UTP20: variants seen among roughly 807,000 people sequenced by gnomAD.
The protein encoded by UTP20 is UTP20 small subunit processome component, also known as small subunit processome component 20 homolog.
A neutral mutation model predicts 329.5 loss-of-function variants in UTP20; 164 were observed. The ratio of observed to expected loss-of-function variants is 0.50; its 90% confidence interval spans 0.44 to 0.57. The LOEUF (loss-of-function observed/expected upper bound fraction) is 0.57, where lower values mean the gene tolerates loss of function less well. UTP20 is among the 20% of genes least tolerant of loss of function. The pLI is 0.00. For missense variants in UTP20, 3,055 were observed against 3,284.2 expected, an observed-to-expected ratio of 0.93 and a Z score of 1.71; for synonymous variants, 1,151 against 1,159.3, an observed-to-expected ratio of 0.99 and a Z score of 0.14.
chr12:101,322,923 A>G (rs1010811193), intron 25 of UTP20, among the ~76,000 whole-genome samples: 1 of 152,218 alleles, frequency 6.6e-6, no homozygotes, highest in Non-Finnish European at 1.5e-5. Context: ...ATAACTATCA[A>G]CTTTATAATC....
At chr12:101,368,116 G>A in intron 48 of UTP20, 140 bp downstream of exon 48, 1 of 610,274 alleles carries the variant, frequency 1.6e-6, no homozygotes, top group South Asian at 2.1e-5. Context: ...GGGTTTTTTG[G>A]GGTTTTTGGG....
Position 101,338,090 on chromosome 12 carries a change from A to G in UTP20, c.3681A>G (p.Pro1227=). 2 of 1,614,208 alleles carry G rather than the reference A, an allele frequency of 1.2e-6. No homozygotes were observed. The highest frequency in any genetic ancestry group is 8.5e-7 in the Non-Finnish European group (1 of 1,180,016). The part of the protein sequence containing the change: ...PLLAKQKPGH[P]ECDILTNVFA... ...TGGCTAAACAGAAGCCTGGGCACCC[A>G]GAATGTGATATCCTGACCAATGTTT... Residue 1227 remains proline, a synonymous_variant, in exon 30 of 62, where the codon CCA becomes CCG. Coordinates refer to ENST00000261637, the MANE Select transcript of UTP20 (RefSeq NM_014503.3).
Position 101,289,017 on chromosome 12 carries a change from A to G in UTP20, c.573A>G (p.Glu191=). The G allele has an allele frequency of 1.9e-6, 3 of 1,613,758 alleles. No homozygotes were observed. The Middle Eastern group carries it at 5.0e-4, about 266-fold the overall frequency. Residue 191 remains glutamate, a synonymous_variant, in exon 6 of 62, where the codon GAA becomes GAG. Coordinates refer to ENST00000261637, the MANE Select transcript of UTP20 (RefSeq NM_014503.3). ...TACATATAAGAAATTTTGCTGCTGA[A>G]AGTTTTACTTTTTTGATGAGAAAGG... is the stretch of plus-strand genomic sequence containing the variant. ...KKLHIRNFAA[E]SFTFLMRKVS... is the part of the protein sequence containing the mutation.
At chr12:101,385,891 A>G (rs1236158401) in intron 61 of UTP20, 77 bp from the exon 62 acceptor site, 7 of 1,456,032 alleles carry the variant, frequency 4.8e-6, no homozygotes, top group South Asian at 4.0e-5. Flanking sequence ...TGTTTTTTAC[A>G]TTTATTTCTG....
intron 26 of UTP20, among the ~76,000 whole-genome samples, chr12:101,328,299 G>A (rs1434157781): frequency 6.6e-6 from 1 of 152,026 alleles, no homozygotes; most frequent in African/African-American, 2.4e-5. Flanking sequence ...GGCCCGTTTG[G>A]GTGTATGAAT....
intron 55 of UTP20, among the ~76,000 whole-genome samples, chr12:101,375,236 G>T (rs566856374): frequency 1.3e-5 from 2 of 151,768 alleles, no homozygotes; most frequent in South Asian, 4.2e-4. Context: ...ACTCCAGCCT[G>T]GCTAACAGAG....
chr12:101,367,754 A>G (rs1870143359), intron 47 of UTP20, 106 bp from the exon 48 acceptor site: 1 of 709,460 alleles, frequency 1.4e-6, no homozygotes, highest in Non-Finnish European at 2.5e-6. Context: ...TTTCTAATAG[A>G]AGTATCTTAA....
chr12:101,336,876 G>A (rs866731975), intron 29 of UTP20, among the ~76,000 whole-genome samples: 1 of 152,224 alleles, frequency 6.6e-6, no homozygotes, highest in Non-Finnish European at 1.5e-5. Context: ...AGCAAGTTAC[G>A]TTGGTCAAGG....
In UTP20 at chr12:101,365,581, T is replaced by C; in HGVS notation, c.6081T>C (p.Tyr2027=). ...CTGAATCCATTCTATTACTCAGTTATGGTTTGATCAGTGAAAATCTTCCCC... is the reference window on the plus strand; with the variant it reads ...CTGAATCCATTCTATTACTCAGTTACGGTTTGATCAGTGAAAATCTTCCCC... ...MTAESILLLS[Y]GLISENLPLL... Residue 2027 remains tyrosine (Y), a synonymous_variant, in exon 46 of 62, where the codon TAT becomes TAC. Coordinates refer to ENST00000261637, the MANE Select transcript of UTP20 (RefSeq NM_014503.3). The C allele has an allele frequency of 6.3e-7, 1 of 1,594,986 alleles. No homozygotes were observed. Among genetic ancestry groups the C allele is most frequent in the Non-Finnish European group, 8.5e-7 (1 of 1,174,592 alleles).
chr12:101,306,783 A>G (rs747176712), intron 17 of UTP20, 22 bp downstream of exon 17: 2 of 1,578,948 alleles, frequency 1.3e-6, no homozygotes, highest in South Asian at 2.4e-5. Flanking sequence ...GTTTGAGTGG[A>G]TAGGTTTTAA....
Position 101,304,023 on chromosome 12 carries a change from A to G in UTP20, c.1781+1470A>G, listed in dbSNP as rs959422371. 6.6e-5 allele frequency among the ~76,000 whole-genome samples: 10 copies of G among 152,360 alleles called. No homozygotes were observed. In the East Asian group the frequency reaches 9.6e-4, roughly 15 times the overall value. ...TGAAGGTGGCTGTAGAAATTGAAAC[A>G]AAAGACACACATAGCACAGAATGGG... On this transcript the variant is annotated intron_variant, in intron 15 of 61. Coordinates refer to ENST00000261637, the MANE Select transcript of UTP20 (RefSeq NM_014503.3).
In UTP20 at chr12:101,373,461, G is replaced by A. The variant is rs199582058; in HGVS notation, c.6939G>A (p.Thr2313=). ...TLEMIAYLFD[T]FPQGLLHENC... is the part of the protein sequence containing the mutation. ...AAATGATCGCCTATCTCTTTGACAC[G>A]TTCCCTCAGGTACTGTGACCCCAGA... The change falls in exon 53 of 62, where the codon ACG becomes ACA. Residue 2313 remains threonine (T), a synonymous_variant. Coordinates refer to ENST00000261637, the MANE Select transcript of UTP20 (RefSeq NM_014503.3). 13 of 1,614,096 alleles carry A rather than the reference G, an allele frequency of 8.1e-6. No individual in the cohort carries two copies. Among genetic ancestry groups the A allele is most frequent in the Middle Eastern group, 1.6e-4 (1 of 6,062 alleles).
chr12:101,371,553 A>G (rs1870291246), intron 51 of UTP20, among the ~76,000 whole-genome samples: 2 of 101,420 alleles, frequency 2.0e-5, no homozygotes, highest in Non-Finnish European at 1.8e-5. Context: ...TTTTTTTGAG[A>G]CGGAGTCTCA....
Position 101,317,628 on chromosome 12 carries a change from C to T in UTP20, c.2703C>T (p.Ser901=). ...AAGAGGCAGTGCCCCAAGATGAATC[C>T]TCACAGAAGAAAAAGACGAGGAGAG... ...LEEEAVPQDE[S]SQKKKTRRAA... is the part of the protein sequence containing the mutation. The change falls in exon 22 of 62, where the codon TCC becomes TCT. Residue 901 remains serine, a synonymous_variant. Coordinates refer to ENST00000261637, the MANE Select transcript of UTP20 (RefSeq NM_014503.3). 3 of 1,613,372 alleles carry T rather than the reference C, an allele frequency of 1.9e-6. No individual in the cohort carries two copies. Among genetic ancestry groups the T allele is most frequent in the Non-Finnish European group, 2.5e-6 (3 of 1,179,836 alleles).
At chr12:101,343,922 A>G (rs968072802) in intron 35 of UTP20, among the ~76,000 whole-genome samples, 1 of 152,244 alleles carries the variant, frequency 6.6e-6, no homozygotes, top group Non-Finnish European at 1.5e-5. Context: ...AAGTTATAAG[A>G]GAATTAAAAA....
chr12:101,335,936 G>T (rs1033923249), intron 29 of UTP20, among the ~76,000 whole-genome samples: 13 of 152,150 alleles, frequency 8.5e-5, no homozygotes, highest in Admixed American at 3.3e-4. Flanking sequence ...GTATAGTTTT[G>T]TCATTTCTAT....
In UTP20 at chr12:101,373,649, A is replaced by G; in HGVS notation, c.7013A>G (p.Asp2338Gly). 8 of 1,613,372 alleles carry G rather than the reference A, an allele frequency of 5.0e-6. No homozygotes were observed. The highest frequency in any genetic ancestry group is 6.8e-6 in the Non-Finnish European group (8 of 1,179,882). Residue 2338 changes from aspartate (D) to glycine (G), a missense_variant, in exon 54 of 62, where the codon GAC (aspartate) becomes GGC (glycine). Physicochemically the swap from Asp to Gly is moderately conservative, Grantham distance 94. Transcript: ENST00000261637. ...IPLCLMTIND[D>G]SATCKKMASM... ...CTTTGTCTAATGACGATCAATGATG[A>G]CTCTGCCACGTGCAAAAAGATGGCA...
intron 2 of UTP20, 119 bp from the exon 3 acceptor site, chr12:101,285,451 A>G: frequency 9.1e-7 from 1 of 1,100,184 alleles, no homozygotes; most frequent in Non-Finnish European, 1.3e-6. Context: ...AAAAACTAAA[A>G]GGAGTTCTTA....
chr12:101,284,635 A>G (rs550511377), intron 2 of UTP20, among the ~76,000 whole-genome samples: 94 of 152,226 alleles, frequency 6.2e-4, no homozygotes, highest in African/African-American at 2.1e-3. Context: ...ACATACGTAC[A>G]TGTATACATA....
Sources: gnomAD v4.1 joint callset for allele counts (sites outside exome capture counted in the v4.1 genomes callset) on GRCh38, gnomAD v4.1.1 for gene constraint, MANE v1.5 for transcripts, NCBI Gene and HGNC (gene_info 2026-07-23, HGNC 2026-07-21) for gene names.